WIZ: variants seen among roughly 807,000 people sequenced by gnomAD.
WIZ encodes WIZ zinc finger, also known as protein Wiz.
In WIZ, 25 loss-of-function variants were observed where a neutral mutation model predicts 140.2. The ratio of observed to expected loss-of-function variants is 0.18; its 90% confidence interval spans 0.13 to 0.25. The LOEUF (loss-of-function observed/expected upper bound fraction) is 0.25, where lower values mean the gene tolerates loss of function less well. Ranked by LOEUF, WIZ falls within the 10% of genes least tolerant of loss-of-function variation. WIZ has a pLI of 1.00. For missense variants in WIZ, 2,231 were observed against 2,632.6 expected (o/e 0.85, Z 3.34); for synonymous variants, 1,125 against 1,154.3 (o/e 0.97, Z 0.51).
Position 15,424,572 on chromosome 19 carries a change from G to A in WIZ, c.5314+41C>T, listed in dbSNP as rs760813190. 11 of 1,550,454 alleles carry A rather than the reference G, an allele frequency of 7.1e-6. 1 individual carries two copies. The South Asian group carries it at 1.3e-4, about 19-fold the overall frequency. Reference sequence around the variant, plus strand: ...GGGAGTGGCTGGGTGGGCCTGACAGGTGCCCGCTGCGCTCCCGACCCTCCT... The same window carrying A: ...GGGAGTGGCTGGGTGGGCCTGACAGATGCCCGCTGCGCTCCCGACCCTCCT... On this transcript the variant is annotated intron_variant, in intron 11 of 12. Transcript: ENST00000673675. The surrounding 1 kb of genome is among the most constrained non-coding windows in gnomAD (Gnocchi z 9.7).
Position 15,424,806 on chromosome 19 carries a change from G to A in WIZ, c.5121C>T (p.Ala1707=), listed in dbSNP as rs755242577. The change falls in exon 11 of 13, where the codon GCC becomes GCT. Residue 1707 remains alanine (A), a synonymous_variant. Transcript: ENST00000673675. This position sits in a 1 kb window ranked among gnomAD's most constrained non-coding sequence, Gnocchi z 9.7. The part of the protein sequence containing the change: ...GRPFTKKFRS[A]GHGRDSDKRP... Reference sequence around the variant, plus strand: ...GCTTGTCACTGTCACGGCCATGGCCGGCACTGCGGAACTTCTTGGTGAAGG... The same window carrying A: ...GCTTGTCACTGTCACGGCCATGGCCAGCACTGCGGAACTTCTTGGTGAAGG... 12 of 1,605,564 alleles carry A rather than the reference G, an allele frequency of 7.5e-6. No homozygotes were observed. Among genetic ancestry groups the A allele is most frequent in the African/African-American group, 6.7e-5 (5 of 74,828 alleles).
At chr19:15,447,159 G>C (rs1247741175) in intron 2 of WIZ, among the ~76,000 whole-genome samples, 1 of 152,156 alleles carries the variant, frequency 6.6e-6, no homozygotes, top group Admixed American at 6.5e-5. Context: ...CCTTGATGAG[G>C]TGTTTGGAGA....
rs769755703 is a variant in WIZ at position 15,436,903 on chromosome 19, C to T, written c.2643G>A (p.Pro881=). ...PSPLGREPGG[P]PGSFLTSRRP... is the part of the protein sequence containing the mutation. ...GACGGGAGGTCAGGAAGCTGCCAGG[C>T]GGACCCCCAGGCTCTCGGCCCAGGG... The change falls in exon 5 of 13, where the codon CCG becomes CCA. Residue 881 remains proline, a synonymous_variant. Coordinates refer to ENST00000673675, the MANE Select transcript of WIZ (RefSeq NM_001371589.1). 31 of 1,612,286 alleles carry T rather than the reference C, an allele frequency of 1.9e-5. No homozygotes were observed. The highest frequency in any genetic ancestry group is 1.6e-4 in the Middle Eastern group (1 of 6,066).
At position 15,439,211 on chromosome 19, in the gene WIZ, C is replaced by A. The variant is rs757114963; in HGVS notation, c.1783G>T (p.Gly595Trp). 1 of 1,535,730 alleles carries A rather than the reference C, an allele frequency of 6.5e-7. No homozygotes were observed. The highest frequency in any genetic ancestry group is 8.7e-7 in the Non-Finnish European group (1 of 1,146,708). Reference sequence around the variant, plus strand: ...GGGTGGACGGTGCTTTTGTTTCTCCCGAGCTGTAAGGAGTAGGGGGTGGAT... The same window carrying A: ...GGGTGGACGGTGCTTTTGTTTCTCCAGAGCTGTAAGGAGTAGGGGGTGGAT... ...LASTPYSLQL[G>W]RNKSTVHPQG... Residue 595 changes from glycine (G) to tryptophan (W), a missense_variant, in exon 4 of 13, where the codon GGG (glycine) becomes TGG (tryptophan). Around this residue, in one of 15 missense-constraint regions of WIZ, gnomAD observed 475 missense variants for 520.2 expected, o/e 0.91. Coordinates refer to ENST00000673675, the MANE Select transcript of WIZ (RefSeq NM_001371589.1). The surrounding 1 kb of genome is among the most constrained non-coding windows in gnomAD (Gnocchi z 7.0).
chr19:15,426,925 G>A, intron 9 of WIZ, 57 bp downstream of exon 9: 1 of 1,544,054 alleles, frequency 6.5e-7, no homozygotes, highest in Non-Finnish European at 8.7e-7. Context: ...CCCAAGGGGA[G>A]GCAGGGAGGA....
Position 15,427,315 on chromosome 19 carries a change from G to C in WIZ, c.4033C>G (p.Pro1345Ala), listed in dbSNP as rs373041125. ...CCCATCATCTTGGCCAGGGCTTTTG[G>C]GCTTGGCCCTGGTGGGTTGGGAGGT... The part of the protein sequence containing the change: ...GGPPNPPGPS[P>A]KALAKMMGGA... Residue 1345 changes from proline to alanine, a missense_variant, in exon 9 of 13, where the codon CCA (proline) becomes GCA (alanine). By Grantham distance (27) the Pro-to-Ala change is conservative. This residue lies in a region of WIZ where 393 missense variants were observed against 451.7 expected (regional missense o/e 0.87). Transcript: ENST00000673675. This position sits in a 1 kb window ranked among gnomAD's most constrained non-coding sequence, Gnocchi z 6.4. 6.2e-7 allele frequency: 1 copy of C among 1,613,682 alleles called. No individual in the cohort carries two copies. The highest frequency in any genetic ancestry group is 1.1e-5 in the South Asian group (1 of 91,072).
chr19:15,444,622 G>A (rs1599713174), intron 2 of WIZ, among the ~76,000 whole-genome samples: 3 of 152,336 alleles, frequency 2.0e-5, no homozygotes, highest in African/African-American at 7.2e-5. Flanking sequence ...GGGCAGCAGA[G>A]CTGTGCCTGG....
chr19:15,439,335 G>A lies in WIZ; in HGVS notation c.1659C>T (p.Cys553=). The change falls in exon 4 of 13, where the codon TGC becomes TGT. Residue 553 remains cysteine (C), a synonymous_variant. Transcript: ENST00000673675. This position sits in a 1 kb window ranked among gnomAD's most constrained non-coding sequence, Gnocchi z 7.0. ...YDPSLAFGPG[C]QQLSIRDFPL... The stretch of plus-strand genomic sequence containing the variant: ...GGAAATCTCTGATGCTCAGCTGCTG[G>A]CATCCTGGGCCAAAGGCCAGGCTGG... 6.5e-7 allele frequency: 1 copy of A among 1,535,600 alleles called. No homozygotes were observed. The highest frequency in any genetic ancestry group is 1.4e-5 in the African/African-American group (1 of 73,168).
chr19:15,438,709 A>T lies in WIZ; in HGVS notation c.2285T>A (p.Ile762Asn). Residue 762 changes from isoleucine (I) to asparagine (N), a missense_variant, in exon 4 of 13, where the codon ATC (isoleucine) becomes AAC (asparagine). Ile to Asn is a moderately radical substitution (Grantham distance 149). Coordinates refer to ENST00000673675, the MANE Select transcript of WIZ (RefSeq NM_001371589.1). ...PYCPDRFHNGIGLANHVRGHL... is the reference protein window; with the variant it reads ...PYCPDRFHNGNGLANHVRGHL... ...GCCCCGGACGTGGTTGGCCAAGCCGATGCCGTTGTGGAAGCGATCGGGGCA... is the reference window on the plus strand; with the variant it reads ...GCCCCGGACGTGGTTGGCCAAGCCGTTGCCGTTGTGGAAGCGATCGGGGCA... The T allele has an allele frequency of 6.5e-7, 1 of 1,536,156 alleles. No homozygotes were observed. The highest frequency in any genetic ancestry group is 8.7e-7 in the Non-Finnish European group (1 of 1,146,894).
At position 15,425,541 on chromosome 19, in the gene WIZ, G is replaced by A. The variant is rs756122285; in HGVS notation, c.4594C>T (p.Leu1532=). 1 of 1,612,358 alleles carries A rather than the reference G, an allele frequency of 6.2e-7. No individual in the cohort carries two copies. The highest frequency in any genetic ancestry group is 1.1e-5 in the South Asian group (1 of 91,052). ...ACGGTGGGAGGCCCGTCCTCAGCCA[G>A]GGCAGGGGCCAGGTCTCCAGCCGGT... ...EPPAGDLAPA[L]AEDGPPTVAP... Residue 1532 remains leucine (L), a synonymous_variant, in exon 10 of 13, where the codon CTG becomes TTG. Coordinates refer to ENST00000673675, the MANE Select transcript of WIZ (RefSeq NM_001371589.1).
Position 15,426,996 on chromosome 19 carries a change from G to T in WIZ, c.4352C>A (p.Thr1451Lys). 2 of 1,612,858 alleles carry T rather than the reference G, an allele frequency of 1.2e-6. No homozygotes were observed. Residue 1451 changes from threonine (T) to lysine (K), a missense_variant, in exon 9 of 13, where the codon ACA (threonine) becomes AAA (lysine). By Grantham distance (78) the Thr-to-Lys change is moderately conservative (BLOSUM62 -1). This residue lies in a region of WIZ where 393 missense variants were observed against 451.7 expected (regional missense o/e 0.87). Transcript: ENST00000673675. ...GPWGAPREDM[T>K]PLNLSSRAEP... ...GTCACACTTACACAGGTTCAGGGGT[G>T]TCATGTCTTCCCGTGGTGCCCCCCA...
chr19:15,440,810 G>C lies in WIZ; in HGVS notation c.279-95C>G. ...GGTCCTCCCAGGCCGTTTGAAGCAGGCCCCGGAGATCCAGCCCGAGGGTGA... is the reference window on the plus strand; with the variant it reads ...GGTCCTCCCAGGCCGTTTGAAGCAGCCCCCGGAGATCCAGCCCGAGGGTGA... On this transcript the variant is annotated intron_variant, in intron 3 of 12. Transcript: ENST00000673675. The surrounding 1 kb of genome is among the most constrained non-coding windows in gnomAD (Gnocchi z 6.2). The C allele has an allele frequency of 7.8e-7, 1 of 1,281,682 alleles. No individual in the cohort carries two copies. The highest frequency in any genetic ancestry group is 1.0e-6 in the Non-Finnish European group (1 of 964,162). The allele number at this position is 1,281,682 out of a possible 1,614,324, so 79.4% of individuals were successfully genotyped here.
Position 15,428,289 on chromosome 19 carries a change from G to A in WIZ, c.3635C>T (p.Pro1212Leu), listed in dbSNP as rs766107704. 57 of 1,529,512 alleles carry A rather than the reference G, an allele frequency of 3.7e-5. No individual in the cohort carries two copies. The highest frequency in any genetic ancestry group is 1.9e-4 in the African/African-American group (14 of 72,752). 94.7% of individuals were successfully genotyped at this position (1,529,512 alleles called of 1,614,324 possible). Residue 1212 changes from proline to leucine, a missense_variant, in exon 8 of 13, where the codon CCG becomes CTG. Pro to Leu is a moderately conservative substitution (Grantham distance 98). Coordinates refer to ENST00000673675, the MANE Select transcript of WIZ (RefSeq NM_001371589.1). This position sits in a 1 kb window ranked among gnomAD's most constrained non-coding sequence, Gnocchi z 6.4. ...CGCGGAGGTGGGAGGCGGCCGCCCC[G>A]GGTGGGCCAGGGCGCCGCGCCTGGG... ...LPPRRGALAH[P>L]GRPPPTSAAL...
chr19:15,430,163 G>T, intron 6 of WIZ, 74 bp from the exon 7 acceptor site: 2 of 1,439,048 alleles, frequency 1.4e-6, no homozygotes, highest in Non-Finnish European at 1.8e-6. Flanking sequence ...CTCCTCCCCT[G>T]AGAGTCCCAC....
chr19:15,431,092 T>A lies in WIZ; in HGVS notation c.2831A>T (p.Glu944Val). 1 of 1,535,814 alleles carries A rather than the reference T, an allele frequency of 6.5e-7. No homozygotes were observed. Among genetic ancestry groups the A allele is most frequent in the Non-Finnish European group, 8.7e-7 (1 of 1,146,814 alleles). The change falls in exon 6 of 13, where the codon GAG becomes GTG. Residue 944 changes from glutamate (E) to valine (V), a missense_variant. By Grantham distance (121) the Glu-to-Val change is moderately radical. Around this residue, in one of 15 missense-constraint regions of WIZ, gnomAD observed 137 missense variants for 135.8 expected, o/e 1.01. Transcript: ENST00000673675. The stretch of plus-strand genomic sequence containing the variant: ...GCTGCTCAGCCGACTGGCCACCTGC[T>A]CCAGGGCCCCAGGGACAGGCAGGCT... ...KKSLPVPGAL[E>V]QVASRLSSKV...
intron 1 of WIZ, among the ~76,000 whole-genome samples, chr19:15,448,774 T>C (rs1010470963): frequency 1.3e-5 from 2 of 152,092 alleles, no homozygotes; most frequent in Non-Finnish European, 2.9e-5. Flanking sequence ...CTTCGTTTCC[T>C]CGGCAAGAAT....
intron 2 of WIZ, among the ~76,000 whole-genome samples, chr19:15,446,499 A>G (rs1969925183): frequency 6.6e-6 from 1 of 152,122 alleles, no homozygotes; most frequent in Admixed American, 6.5e-5. Context: ...CTGAGTGCTG[A>G]TACTCTGGAG....
In WIZ at chr19:15,439,875, C is replaced by T. The variant is rs1225040913; in HGVS notation, c.1119G>A (p.Leu373=). 6.6e-7 allele frequency: 1 copy of T among 1,525,914 alleles called. No homozygotes were observed. Among genetic ancestry groups the T allele is most frequent in the Admixed American group, 2.0e-5 (1 of 49,156 alleles). 94.5% of individuals were successfully genotyped at this position (1,525,914 alleles called of 1,614,324 possible). A position where few individuals can be genotyped will look rare whatever the true frequency, so the allele number is the denominator to read the frequency against. Reference sequence around the variant, plus strand: ...TGATCTTCTCCCGGGAGGCCTGATGCAGCTGCCGGTGCTGCTCCAGGGCAG... The same window carrying T: ...TGATCTTCTCCCGGGAGGCCTGATGTAGCTGCCGGTGCTGCTCCAGGGCAG... ...DPTALEQHRQ[L]HQASREKIIE... Residue 373 remains leucine, a synonymous_variant, in exon 4 of 13, where the codon CTG becomes CTA. Transcript: ENST00000673675. The surrounding 1 kb of genome is among the most constrained non-coding windows in gnomAD (Gnocchi z 7.0).
intron 7 of WIZ, among the ~76,000 whole-genome samples, chr19:15,429,344 G>A (rs118054790): frequency 0.018 from 2,694 of 152,298 alleles, 36 homozygotes; most frequent in Non-Finnish European, 0.023. Context: ...CTCATCAGCC[G>A]CAGTGAGGCT....
Sources: gnomAD v4.1 joint callset for allele counts (sites outside exome capture counted in the v4.1 genomes callset) on GRCh38, gnomAD v4.1.1 for gene constraint, gnomAD v4.1.1 regional missense constraint, Gnocchi (gnomAD v3.1) non-coding constraint, MANE v1.5 for transcripts, NCBI Gene and HGNC (gene_info 2026-07-23, HGNC 2026-07-21) for gene names.